The following SPON1 variants were observed in gnomAD, a reference collection of about 807,000 sequenced individuals.
SPON1 encodes the protein spondin 1.
A neutral mutation model predicts 111.7 loss-of-function variants in SPON1; 52 were observed. The observed-to-expected ratio is 0.47, with a 90% CI of 0.37 to 0.59. The LOEUF (loss-of-function observed/expected upper bound fraction) is 0.59, where lower values mean the gene tolerates loss of function less well. Ranked by LOEUF, SPON1 falls within the 20% of genes least tolerant of loss-of-function variation. The pLI is 0.00. For synonymous variants in SPON1, 410 were observed against 395.8 expected, an observed-to-expected ratio of 1.04 and a Z score of -0.43; for missense variants, 957 against 1,068.5, an observed-to-expected ratio of 0.90 and a Z score of 1.46.
intron 3 of SPON1, among the ~76,000 whole-genome samples, chr11:14,067,315 C>T (rs75533440): frequency 6.6e-6 from 1 of 152,176 alleles, no homozygotes; most frequent in East Asian, 1.9e-4. Context: ...TGCCTCTTTC[C>T]ATCAGTTAGG....
At chr11:14,237,290 G>A (rs374099914) in intron 6 of SPON1, among the ~76,000 whole-genome samples, 2 of 152,170 alleles carry the variant, frequency 1.3e-5, no homozygotes, top group Non-Finnish European at 2.9e-5. Flanking sequence ...GGGTCTCCAC[G>A]CAAGATTCCA....
Position 14,265,926 on chromosome 11 carries a change from A to C in SPON1, c.*239A>C. 2.3e-6 allele frequency: 1 copy of C among 427,924 alleles called. No homozygotes were observed. Among genetic ancestry groups the C allele is most frequent in the Non-Finnish European group, 4.3e-6 (1 of 234,308 alleles). 26.5% of individuals were successfully genotyped at this position (427,924 alleles called of 1,614,324 possible). A position where few individuals can be genotyped will look rare whatever the true frequency, so the allele number is the denominator to read the frequency against. On this transcript the variant is annotated 3_prime_UTR_variant, in exon 16 of 16. Transcript: ENST00000576479. ...TTCCTGCAGAGGAGTAGTGTCAGCC[A>C]CCTTGTACTAAGCTGAAACATGTCC...
chr11:14,230,073 C>T (rs995590447), intron 6 of SPON1, among the ~76,000 whole-genome samples: 3 of 152,022 alleles, frequency 2.0e-5, no homozygotes, highest in Admixed American at 2.0e-4. Context: ...CTCCCCAAAC[C>T]TCAAATATGT....
chr11:14,146,104 G>A (rs1247435094), intron 6 of SPON1, among the ~76,000 whole-genome samples: 1 of 151,566 alleles, frequency 6.6e-6, no homozygotes, highest in Non-Finnish European at 1.5e-5. Context: ...TTTGCCATAC[G>A]GCCTCTTGTA....
At chr11:14,126,749 G>C (rs1847464643) in intron 5 of SPON1, among the ~76,000 whole-genome samples, 1 of 152,176 alleles carries the variant, frequency 6.6e-6, no homozygotes, top group African/African-American at 2.4e-5. Context: ...GAGGCTCTGA[G>C]TTTTCCTTTA....
intron 1 of SPON1, among the ~76,000 whole-genome samples, chr11:13,982,595 C>T (rs1301928274): frequency 6.6e-6 from 1 of 152,108 alleles, no homozygotes; most frequent in Non-Finnish European, 1.5e-5. Flanking sequence ...GAGAGCTCAC[C>T]ACACCCCTGG....
rs1163409347 is a variant in SPON1, at chr11:14,265,526, T to G, written c.2263T>G (p.Cys755Gly). ...EESEGEQFPG[C>G]RMRPWTAWSE... ...ACAAGGCATTCTCATGCTTTCAGGT[T>G]GTAGGATGCGCCCATGGACGGCCTG... Residue 755 changes from cysteine (C) to glycine (G), a missense_variant and splice_region_variant, in exon 16 of 16, where the codon TGT (cysteine) becomes GGT (glycine). By Grantham distance (159) the Cys-to-Gly change is radical. Coordinates refer to ENST00000576479, the MANE Select transcript of SPON1 (RefSeq NM_006108.4). 2 of 1,612,542 alleles carry G rather than the reference T, an allele frequency of 1.2e-6. No homozygotes were observed. The highest frequency in any genetic ancestry group is 1.7e-5 in the Admixed American group (1 of 59,854).
chr11:14,010,890 A>T (rs1554913659), intron 2 of SPON1, among the ~76,000 whole-genome samples: 1 of 152,252 alleles, frequency 6.6e-6, no homozygotes, highest in Non-Finnish European at 1.5e-5. Context: ...TCTACTGCAG[A>T]TGAAATTGGC....
rs538493989 is a variant in SPON1, at chr11:14,259,217, G to A, written c.1493-63G>A. 3.7e-4 allele frequency: 549 copies of A among 1,491,392 alleles called. 2 individuals carry two copies. Among genetic ancestry groups the A allele is most frequent in the Admixed American group, 7.6e-4 (35 of 46,198 alleles). 92.4% of individuals were successfully genotyped at this position (1,491,392 alleles called of 1,614,324 possible). On this transcript the variant is annotated intron_variant, in intron 11 of 15. Transcript: ENST00000576479. The surrounding 1 kb of genome is among the most constrained non-coding windows in gnomAD (Gnocchi z 5.0). ...TTCCCGCTGGCGGGAAGTTCCCACC[G>A]CGCAGCCTGGCAGGCGCCCCTGCCA...
intron 6 of SPON1, among the ~76,000 whole-genome samples, chr11:14,211,275 A>G (rs1848572830): frequency 6.6e-6 from 1 of 152,182 alleles, no homozygotes; most frequent in African/African-American, 2.4e-5. Flanking sequence ...AAGCAACTTC[A>G]GCAAAGTCTC....
intron 6 of SPON1, among the ~76,000 whole-genome samples, chr11:14,202,211 G>A (rs1848471922): frequency 6.6e-6 from 1 of 152,192 alleles, no homozygotes; most frequent in Admixed American, 6.5e-5. Flanking sequence ...GTGTCAGAGG[G>A]ACACCTAACA....
At chr11:14,076,254 C>T (rs895200137) in intron 4 of SPON1, among the ~76,000 whole-genome samples, 1 of 152,118 alleles carries the variant, frequency 6.6e-6, no homozygotes, top group African/African-American at 2.4e-5. Flanking sequence ...TATATTTATA[C>T]AGCATAACAA....
Position 14,122,844 on chromosome 11 carries a change from A to G in SPON1, c.677-12576A>G, listed in dbSNP as rs1444395069. Among the ~76,000 whole-genome samples, 9 of 151,796 alleles carry G rather than the reference A, an allele frequency of 5.9e-5. No individual in the cohort carries two copies. The East Asian group carries it at 1.5e-3, about 26-fold the overall frequency. On this transcript the variant is annotated intron_variant, in intron 5 of 15. Transcript: ENST00000576479. ...TAAAGTTCTTGTACGTTAGTTCCAC[A>G]TGTCAGTCATCTCAGGAACTCCTGT...
At chr11:14,050,420 A>G (rs1848699593) in intron 3 of SPON1, among the ~76,000 whole-genome samples, 1 of 152,318 alleles carries the variant, frequency 6.6e-6, no homozygotes, top group South Asian at 2.1e-4. Flanking sequence ...GTACTGTTAG[A>G]GCTCTATCAA....
At chr11:14,234,656 G>A (rs376003334) in intron 6 of SPON1, among the ~76,000 whole-genome samples, 210 of 152,310 alleles carry the variant, frequency 1.4e-3, no homozygotes, top group African/African-American at 4.7e-3. Flanking sequence ...GCCCTTGGGC[G>A]GAGGGGCAGT....
chr11:14,142,236 C>T (rs1847664942), intron 6 of SPON1, among the ~76,000 whole-genome samples: 1 of 152,182 alleles, frequency 6.6e-6, no homozygotes, highest in South Asian at 2.1e-4. Context: ...TTTCATTCTT[C>T]AGCCTCTGTT....
chr11:14,257,856 C>G lies in SPON1; in HGVS notation c.1450C>G (p.Gln484Glu), dbSNP rs782065665. ...LDLSVPCPDT[Q>E]DFQPCMGPGC... Reference sequence around the variant, plus strand: ...CCTCAGCGTCCCCTGCCCTGACACCCAGGACTTCCAGCCCTGCATGGGCCC... The same window carrying G: ...CCTCAGCGTCCCCTGCCCTGACACCGAGGACTTCCAGCCCTGCATGGGCCC... Residue 484 changes from glutamine (Q) to glutamate (E), a missense_variant, in exon 11 of 16, where the codon CAG (glutamine) becomes GAG (glutamate). Gln to Glu is a conservative substitution (Grantham distance 29). Transcript: ENST00000576479. 21 of 1,581,980 alleles carry G rather than the reference C, an allele frequency of 1.3e-5. No homozygotes were observed. The highest frequency in any genetic ancestry group is 1.7e-4 in the Middle Eastern group (1 of 6,040).
At chr11:14,194,799 AG>A (rs1848383540) in intron 6 of SPON1, among the ~76,000 whole-genome samples, 1 of 152,220 alleles carries the variant, frequency 6.6e-6, no homozygotes, top group South Asian at 2.1e-4. Flanking sequence ...CAATTATTCC[AG>A]GTTAGGAAAT....
chr11:14,110,328 G>A (rs776325953), intron 5 of SPON1, among the ~76,000 whole-genome samples: 8 of 152,264 alleles, frequency 5.3e-5, no homozygotes, highest in Non-Finnish European at 8.8e-5. Context: ...TAATTGCTAT[G>A]CTGCCTATAC....
Sources: allele counts gnomAD v4.1 joint callset (sites outside exome capture counted in the v4.1 genomes callset), GRCh38; gene constraint gnomAD v4.1.1; non-coding constraint Gnocchi (gnomAD v3.1); transcripts MANE v1.5; gene names NCBI Gene and HGNC (gene_info 2026-07-23, HGNC 2026-07-21).